The following CMSS1 variants were observed in gnomAD, a reference collection of about 807,000 sequenced individuals.
CMSS1 encodes the protein cms1 ribosomal small subunit homolog.
In CMSS1, 33 loss-of-function variants were observed where a neutral mutation model predicts 43.5. The ratio of observed to expected loss-of-function variants is 0.76; its 90% CI spans 0.57 to 1.01. The LOEUF (loss-of-function observed/expected upper bound fraction) is 1.01, where lower values mean the gene tolerates loss of function less well. CMSS1 is among the 50% of genes least tolerant of loss of function. The pLI, the probability that CMSS1 is intolerant of heterozygous loss-of-function variation, is 0.00. For missense variants in CMSS1, 313 were observed against 326.4 expected, an observed-to-expected ratio of 0.96 and a Z score of 0.32; for synonymous variants, 115 against 117.2, an observed-to-expected ratio of 0.98 and a Z score of 0.12.
intron 1 of CMSS1, chr3:99,848,182 T>G (rs1943454412): frequency 1.9e-6 from 3 of 1,539,952 alleles, no homozygotes; most frequent in African/African-American, 1.4e-5. Flanking sequence ...AAGTACGAGT[T>G]CAGTCAGTCT....
intron 1 of CMSS1, among the ~76,000 whole-genome samples, chr3:99,886,808 A>C (rs1705914015): frequency 6.6e-6 from 1 of 151,814 alleles, no homozygotes; most frequent in African/African-American, 2.4e-5. Context: ...AGTATCTACC[A>C]AAAATACAAA....
At chr3:100,062,697 A>C (rs1355266744) in intron 1 of CMSS1, among the ~76,000 whole-genome samples, 1 of 152,240 alleles carries the variant, frequency 6.6e-6, no homozygotes, top group Non-Finnish European at 1.5e-5. Flanking sequence ...GAAATTTAAA[A>C]GCCCCTATAT....
chr3:99,968,297 T>G (rs1708712946), intron 1 of CMSS1, among the ~76,000 whole-genome samples: 1 of 152,056 alleles, frequency 6.6e-6, no homozygotes, highest in Middle Eastern at 3.2e-3. Context: ...GAAAGTTTGG[T>G]CTTATTGTAG....
chr3:100,007,734 GC>G (rs1485902851), intron 1 of CMSS1, among the ~76,000 whole-genome samples: 3 of 152,028 alleles, frequency 2.0e-5, no homozygotes, highest in Non-Finnish European at 4.4e-5. Context: ...GGGCCTTGTT[GC>G]TTTGACTGCC....
chr3:99,959,621 T>TA (rs1165061102), intron 1 of CMSS1, among the ~76,000 whole-genome samples: 1 of 152,222 alleles, frequency 6.6e-6, no homozygotes, highest in Non-Finnish European at 1.5e-5. Context: ...TTGAATTTAG[T>TA]AATCTGTAGA....
At chr3:99,997,763 GATAAA>G (rs1213427916) in intron 1 of CMSS1, among the ~76,000 whole-genome samples, 10 of 152,238 alleles carry the variant, frequency 6.6e-5, no homozygotes, top group South Asian at 6.2e-4. Context: ...TTTATGAAAA[GATAAA>G]ATAAGAATAG....
chr3:100,073,766 A>G (rs1450358673), intron 1 of CMSS1, among the ~76,000 whole-genome samples: 1 of 152,102 alleles, frequency 6.6e-6, no homozygotes, highest in Admixed American at 6.5e-5. Context: ...GCCGGGCAAG[A>G]TCTCCTGTTT....
intron 1 of CMSS1, among the ~76,000 whole-genome samples, chr3:100,028,756 C>T (rs2064971351): frequency 6.6e-6 from 1 of 152,052 alleles, no homozygotes; most frequent in Non-Finnish European, 1.5e-5. Flanking sequence ...TAGCACATTT[C>T]CAAGAGTCAG....
chr3:99,972,947 T>G (rs1318321864), intron 1 of CMSS1, among the ~76,000 whole-genome samples: 1 of 152,232 alleles, frequency 6.6e-6, no homozygotes, highest in African/African-American at 2.4e-5. Flanking sequence ...AAAGAGCATC[T>G]TTTGATCTTC....
intron 4 of CMSS1, among the ~76,000 whole-genome samples, chr3:100,163,245 T>C (rs1212540352): frequency 6.6e-6 from 1 of 152,186 alleles, no homozygotes; most frequent in Non-Finnish European, 1.5e-5. Flanking sequence ...GAAACACTGA[T>C]TTACTCAACT....
At chr3:100,039,780 GTCT>G (rs1423352151) in intron 1 of CMSS1, 1 of 149,234 alleles carries the variant, frequency 6.7e-6, no homozygotes, top group Non-Finnish European at 1.5e-5. Context: ...TTGAGATGGA[GTCT>G]TGTTCTGTTG....
chr3:100,108,019 C>G (rs974713872), intron 1 of CMSS1, among the ~76,000 whole-genome samples: 1 of 151,916 alleles, frequency 6.6e-6, no homozygotes, highest in South Asian at 2.1e-4. Context: ...TTCTTAATGC[C>G]AAAACCATGA....
chr3:100,072,340 A>T lies in CMSS1; in HGVS notation c.65-74633A>T, dbSNP rs368839641. Reference sequence around the variant, plus strand: ...CCTAGTTCATTCTGTGCATTTCCAAATCTGGGCTCAAACTTGAACATGGCT... The same window carrying T: ...CCTAGTTCATTCTGTGCATTTCCAATTCTGGGCTCAAACTTGAACATGGCT... On this transcript the variant is annotated intron_variant, in intron 1 of 9. Coordinates refer to ENST00000421999, the MANE Select transcript of CMSS1 (RefSeq NM_032359.4). Among the ~76,000 whole-genome samples, 4 of 152,280 alleles carry T rather than the reference A, an allele frequency of 2.6e-5. No homozygotes were observed. The East Asian group carries it at 5.8e-4, about 22-fold the overall frequency.
intron 1 of CMSS1, among the ~76,000 whole-genome samples, chr3:99,983,434 A>T (rs1278593994): frequency 1.5e-5 from 1 of 67,820 alleles, no homozygotes; most frequent in South Asian, 4.6e-4. Flanking sequence ...GTATGTATGT[A>T]TATATATGTA....
At chr3:100,029,113 C>T (rs1320262652) in intron 1 of CMSS1, among the ~76,000 whole-genome samples, 4 of 151,954 alleles carry the variant, frequency 2.6e-5, no homozygotes, top group Non-Finnish European at 1.5e-5. Context: ...ATTGCTTGAG[C>T]TCAGGAGTTC....
intron 1 of CMSS1, among the ~76,000 whole-genome samples, chr3:100,118,435 G>A (rs963067481): frequency 6.6e-6 from 1 of 152,068 alleles, no homozygotes; most frequent in Non-Finnish European, 1.5e-5. Context: ...CTCCTGATCA[G>A]TCAGCTTTGA....
chr3:99,997,515 G>A (rs76330360), intron 1 of CMSS1, among the ~76,000 whole-genome samples: 1,838 of 152,248 alleles, frequency 0.012, 23 homozygotes, highest in African/African-American at 0.027. Context: ...TCTTGGCTAC[G>A]CATTAGAATA....
At chr3:100,046,211 C>T (rs1398683149) in intron 1 of CMSS1, among the ~76,000 whole-genome samples, 1 of 152,152 alleles carries the variant, frequency 6.6e-6, no homozygotes, top group African/African-American at 2.4e-5. Context: ...ATACTTGAAA[C>T]TGATCAGGGC....
intron 1 of CMSS1, among the ~76,000 whole-genome samples, chr3:99,985,382 A>G (rs1559714599): frequency 6.6e-6 from 1 of 152,034 alleles, no homozygotes; most frequent in Non-Finnish European, 1.5e-5. Flanking sequence ...AAATAGAAAA[A>G]TTAGCTGGGC....
Sources: gnomAD v4.1 joint callset for allele counts (sites outside exome capture counted in the v4.1 genomes callset) on GRCh38, gnomAD v4.1.1 for gene constraint, MANE v1.5 for transcripts, NCBI Gene and HGNC (gene_info 2026-07-23, HGNC 2026-07-21) for gene names.